The following CTNNA3 variants were observed in gnomAD, a reference collection of about 807,000 sequenced individuals.
The protein encoded by CTNNA3 is catenin alpha-3.
Under a neutral mutation model 95.7 loss-of-function variants are expected in CTNNA3, and 76 were observed. That is an observed-to-expected ratio of 0.79 (90% CI 0.66 to 0.96). The LOEUF (loss-of-function observed/expected upper bound fraction) is 0.96, where lower values mean the gene tolerates loss of function less well. Among genes scored for constraint, CTNNA3 ranks in the 40% least tolerant of loss-of-function variants. CTNNA3 has a pLI of 0.00. For synonymous variants in CTNNA3, 431 were observed against 374.4 expected (o/e 1.15, Z -1.74); for missense variants, 1,191 against 1,089.8 (o/e 1.09, Z -1.31).
chr10:66,605,177 C>T (rs946331840), intron 10 of CTNNA3, among the ~76,000 whole-genome samples: 1 of 151,916 alleles, frequency 6.6e-6, no homozygotes, highest in African/African-American at 2.4e-5. Context: ...AAGCATTAAT[C>T]GTAGAATAGA....
intron 2 of CTNNA3, among the ~76,000 whole-genome samples, chr10:67,639,519 A>AG (rs754589993): frequency 2.3e-4 from 35 of 152,330 alleles, no homozygotes; most frequent in Middle Eastern, 3.4e-3. Flanking sequence ...GGCCAGCATC[A>AG]TCCTGATACC....
intron 14 of CTNNA3, among the ~76,000 whole-genome samples, chr10:66,069,981 T>C (rs1034780080): frequency 3.3e-5 from 5 of 152,164 alleles, no homozygotes; most frequent in African/African-American, 9.7e-5. Context: ...ATGATGCTTT[T>C]AGTTTGAATT....
intron 5 of CTNNA3, among the ~76,000 whole-genome samples, chr10:67,353,252 T>A (rs1326062176): frequency 6.6e-6 from 1 of 151,900 alleles, no homozygotes; most frequent in Non-Finnish European, 1.5e-5. Flanking sequence ...ATGCTAAAAT[T>A]CGGGGGCACC....
intron 6 of CTNNA3, among the ~76,000 whole-genome samples, chr10:67,181,890 G>A (rs1347464209): frequency 6.6e-6 from 1 of 151,994 alleles, no homozygotes; most frequent in Non-Finnish European, 1.5e-5. Flanking sequence ...AATGTGAGGG[G>A]TTTTGAGTGA....
intron 9 of CTNNA3, among the ~76,000 whole-genome samples, chr10:66,635,119 T>A (rs1397174855): frequency 6.6e-6 from 1 of 152,104 alleles, no homozygotes; most frequent in South Asian, 2.1e-4. Flanking sequence ...TCAAGGTCCC[T>A]CTCTAAATTA....
intron 13 of CTNNA3, among the ~76,000 whole-genome samples, chr10:66,197,530 C>A (rs1023202114): frequency 3.3e-5 from 5 of 152,008 alleles, no homozygotes; most frequent in African/African-American, 1.2e-4. Flanking sequence ...CTTCATTTAT[C>A]CAACAAGAAT....
At chr10:66,639,490 G>A (rs1003568662) in intron 9 of CTNNA3, among the ~76,000 whole-genome samples, 1 of 152,074 alleles carries the variant, frequency 6.6e-6, no homozygotes, top group Non-Finnish European at 1.5e-5. Flanking sequence ...TTTATTTACT[G>A]TTATCTTATA....
intron 10 of CTNNA3, among the ~76,000 whole-genome samples, chr10:66,553,503 TG>T (rs1208439241): frequency 7.0e-6 from 1 of 143,558 alleles, no homozygotes; most frequent in Non-Finnish European, 1.5e-5. Flanking sequence ...GATCTAATGA[TG>T]AACAATACTT....
At chr10:66,726,781 C>T (rs1323672601) in intron 9 of CTNNA3, among the ~76,000 whole-genome samples, 1 of 149,628 alleles carries the variant, frequency 6.7e-6, no homozygotes, top group African/African-American at 2.5e-5. Context: ...AACCAGTAGC[C>T]CAGTAGCCTG....
At chr10:66,276,804 T>C (rs1161071417) in intron 13 of CTNNA3, among the ~76,000 whole-genome samples, 1 of 151,268 alleles carries the variant, frequency 6.6e-6, no homozygotes, top group Admixed American at 6.6e-5. Flanking sequence ...TAGTAGTAGC[T>C]ATCTTCTTAT....
At chr10:66,817,109 G>A (rs1261081207) in intron 7 of CTNNA3, among the ~76,000 whole-genome samples, 1 of 151,874 alleles carries the variant, frequency 6.6e-6, no homozygotes, top group Non-Finnish European at 1.5e-5. Flanking sequence ...TTTTATCTTA[G>A]GGTACAGTGT....
intron 7 of CTNNA3, among the ~76,000 whole-genome samples, chr10:67,027,176 G>T (rs1853440622): frequency 6.6e-6 from 1 of 152,110 alleles, no homozygotes; most frequent in African/African-American, 2.4e-5. Flanking sequence ...AGAGGGAAAG[G>T]AGCGTAGGAA....
intron 5 of CTNNA3, among the ~76,000 whole-genome samples, chr10:67,444,318 G>A (rs940412328): frequency 6.6e-6 from 1 of 151,994 alleles, no homozygotes; most frequent in South Asian, 2.1e-4. Context: ...AAAAAATTAA[G>A]AAGAAAATTT....
intron 7 of CTNNA3, among the ~76,000 whole-genome samples, chr10:66,887,981 G>A (rs1235269721): frequency 1.3e-5 from 2 of 152,122 alleles, no homozygotes; most frequent in Non-Finnish European, 2.9e-5. Flanking sequence ...CAAAAGGACT[G>A]TGCAGATGTG....
chr10:67,473,137 G>A (rs1314838501), intron 5 of CTNNA3, among the ~76,000 whole-genome samples: 20 of 152,144 alleles, frequency 1.3e-4, no homozygotes, highest in Non-Finnish European at 1.3e-4. Context: ...AACAATATAT[G>A]AAGTGAAGAC....
At chr10:67,479,770 A>G (rs1010012148) in intron 5 of CTNNA3, among the ~76,000 whole-genome samples, 5 of 152,172 alleles carry the variant, frequency 3.3e-5, no homozygotes, top group Non-Finnish European at 7.3e-5. Context: ...AAACCCCAAA[A>G]TACATACAAA....
chr10:66,757,952 T>C (rs944932138), intron 9 of CTNNA3, among the ~76,000 whole-genome samples: 1 of 152,168 alleles, frequency 6.6e-6, no homozygotes, highest in Admixed American at 6.5e-5. Flanking sequence ...ATTGATATAA[T>C]GAGGTAATGA....
chr10:66,232,799 G>C (rs921987839), intron 13 of CTNNA3, among the ~76,000 whole-genome samples: 8 of 152,066 alleles, frequency 5.3e-5, no homozygotes, highest in African/African-American at 1.9e-4. Context: ...ATTGTTACTA[G>C]GTCTATAGGA....
chr10:66,868,311 A>G (rs12769855), intron 7 of CTNNA3, among the ~76,000 whole-genome samples: 22,010 of 149,448 alleles, frequency 0.15, 2,062 homozygotes, highest in African/African-American at 0.26. Context: ...GTTGCAGTGA[A>G]CCGAGATCGC....
Sources: allele counts gnomAD v4.1 joint callset (sites outside exome capture counted in the v4.1 genomes callset), GRCh38; gene constraint gnomAD v4.1.1; transcripts MANE v1.5; gene names NCBI Gene and HGNC (gene_info 2026-07-23, HGNC 2026-07-21).